Variants in SPTAN1 observed in about 807,000 individuals in gnomAD.
SPTAN1 encodes the protein spectrin alpha chain, non-erythrocytic 1.
In SPTAN1, 61 loss-of-function variants were observed where a neutral mutation model predicts 331.3. That is an observed-to-expected ratio of 0.18 (90% confidence interval 0.15 to 0.23). The LOEUF (loss-of-function observed/expected upper bound fraction) is 0.23. SPTAN1 is among the 10% of genes least tolerant of loss of function. SPTAN1 has a pLI of 1.00. For synonymous variants in SPTAN1, 1,153 were observed against 1,173.9 expected (o/e 0.98, Z 0.36); for missense variants, 2,043 against 3,147.9 (o/e 0.65, Z 8.40).
Position 128,612,189 on chromosome 9 carries a change from C to T in SPTAN1, c.4986C>T (p.Ala1662=), listed in dbSNP as rs1856643719. ...SAEKSQKLKE[A]NKQQNFNTGI... ...AAAAGAGCCAGAAACTGAAAGAAGC[C>T]AACAAGCAGCAGAACTTCAACACAG... The change falls in exon 39 of 57, where the codon GCC becomes GCT. Residue 1662 remains alanine (A), a synonymous_variant. Transcript: ENST00000372739. 6.2e-7 allele frequency: 1 copy of T among 1,613,968 alleles called. No individual in the cohort carries two copies. Among genetic ancestry groups the T allele is most frequent in the South Asian group, 1.1e-5 (1 of 91,080 alleles).
chr9:128,557,694 C>A (rs933976751), intron 1 of SPTAN1, among the ~76,000 whole-genome samples: 1 of 151,146 alleles, frequency 6.6e-6, no homozygotes, highest in Non-Finnish European at 1.5e-5. Flanking sequence ...CATGTCTAAT[C>A]TATTTTGTAG....
rs1057523269 is a variant in SPTAN1 at position 128,632,328 on chromosome 9, C to T, written c.6959+5C>T. ...GGAGCAGCAGATCCAGGCCAGGTAC[C>T]CGGGAGGGCTGTGGGCCAGGCTCAG... On this transcript the variant is annotated splice_donor_5th_base_variant and intron_variant, in intron 53 of 56. Coordinates refer to ENST00000372739, the MANE Select transcript of SPTAN1 (RefSeq NM_001130438.3). The T allele has an allele frequency of 7.4e-6, 12 of 1,613,542 alleles. 1 individual carries two copies. The South Asian group carries it at 9.9e-5, about 13-fold the overall frequency.
rs10125752 is a variant in SPTAN1 at position 128,581,493 on chromosome 9, C to A, written c.1462-289C>A. Among the ~76,000 whole-genome samples the A allele has an allele frequency of 4.5e-3, 629 of 138,630 alleles. 5 individuals carry two copies. The highest frequency in any genetic ancestry group is 0.014 in the African/African-American group (530 of 37,996). 90.9% of individuals were successfully genotyped at this position (138,630 alleles called of 152,430 possible). ...GTCTCACAAAAAAAAAAAAAACAAA[C>A]AAAAAAAACAAACCTTAGCATTATG... On this transcript the variant is annotated intron_variant, in intron 11 of 56. Transcript: ENST00000372739.
chr9:128,557,577 G>GC (rs1848781393), intron 1 of SPTAN1, among the ~76,000 whole-genome samples: 1 of 146,642 alleles, frequency 6.8e-6, no homozygotes, highest in African/African-American at 2.5e-5. Context: ...CAAATTTTAT[G>GC]CCCCCAAATA....
At chr9:128,579,779 C>A in intron 10 of SPTAN1, 41 bp downstream of exon 10, 2 of 1,463,068 alleles carry the variant, frequency 1.4e-6, no homozygotes, top group Non-Finnish European at 1.9e-6. Context: ...GCAAATTACA[C>A]CTTTCACTAA....
chr9:128,627,473 T>C lies in SPTAN1; in HGVS notation c.6664T>C (p.Phe2222Leu). 2.6e-6 allele frequency: 4 copies of C among 1,551,160 alleles called. No individual in the cohort carries two copies. The highest frequency in any genetic ancestry group is 2.6e-6 in the Non-Finnish European group (3 of 1,147,054). Reference sequence around the variant, plus strand: ...GGAGTTTGCCCAGCACGCCAACGCCTTCCACCAGTGGATCCAAGAGACCAG... The same window carrying C: ...GGAGTTTGCCCAGCACGCCAACGCCCTCCACCAGTGGATCCAAGAGACCAG... ...RQEFAQHANA[F>L]HQWIQETRTY... Residue 2222 changes from phenylalanine (F) to leucine (L), a missense_variant, in exon 50 of 57, where the codon TTC (phenylalanine) becomes CTC (leucine). Phe to Leu is a conservative substitution (Grantham distance 22). Transcript: ENST00000372739. The surrounding 1 kb of genome is among the most constrained non-coding windows in gnomAD (Gnocchi z 4.9).
chr9:128,629,247 C>A lies in SPTAN1; in HGVS notation c.6708-1074C>A, dbSNP rs955988758. 1.5e-5 allele frequency: 6 copies of A among 398,220 alleles called. No homozygotes were observed. The highest frequency in any genetic ancestry group is 1.2e-4 in the African/African-American group (6 of 48,560). 24.7% of individuals were successfully genotyped at this position (398,220 alleles called of 1,614,324 possible). On this transcript the variant is annotated intron_variant, in intron 51 of 56. Coordinates refer to ENST00000372739, the MANE Select transcript of SPTAN1 (RefSeq NM_001130438.3). The surrounding 1 kb of genome is among the most constrained non-coding windows in gnomAD (Gnocchi z 4.9). ...GGCTTTACTGATGCACTCTTGACAT[C>A]CCCAGGCGGCTCCACCCTGACTAAC...
Position 128,557,318 on chromosome 9 carries a change from A to G in SPTAN1, c.-4+4622A>G, listed in dbSNP as rs77645530. The stretch of plus-strand genomic sequence containing the variant: ...AATCCCAATGCTTTGTTTTTAATAG[A>G]GACTCCTTTCAGCTTCACTATAATT... On this transcript the variant is annotated intron_variant, in intron 1 of 56. Transcript: ENST00000372739. Among the ~76,000 whole-genome samples, 366 of 152,314 alleles carry G rather than the reference A, an allele frequency of 2.4e-3. 10 individuals carry two copies. In the East Asian group the frequency reaches 0.04, roughly 17 times the overall value.
rs1357932367 is a variant in SPTAN1, at chr9:128,583,058, C to A, written c.1807-19C>A. On this transcript the variant is annotated intron_variant, in intron 14 of 56. Coordinates refer to ENST00000372739, the MANE Select transcript of SPTAN1 (RefSeq NM_001130438.3). ...TTCTCAGGTTCAAGATAGAAAGAAC[C>A]CCCTTCTTTTATTCACAGGATCCAT... 2.5e-6 allele frequency: 4 copies of A among 1,611,456 alleles called. No individual in the cohort carries two copies. In the South Asian group the frequency reaches 4.4e-5, roughly 18 times the overall value.
At chr9:128,609,866 C>T (rs1288129302) in intron 37 of SPTAN1, among the ~76,000 whole-genome samples, 1 of 152,178 alleles carries the variant, frequency 6.6e-6, no homozygotes, top group Non-Finnish European at 1.5e-5. Context: ...GCCTGCAACG[C>T]CTTACTCCCC....
chr9:128,633,151 T>G (rs1396115127), intron 56 of SPTAN1, 58 bp from the exon 57 acceptor site: 25 of 1,612,076 alleles, frequency 1.6e-5, no homozygotes, highest in Non-Finnish European at 1.9e-5. Context: ...ACCTGGGAGG[T>G]CGGGTTTGAA....
chr9:128,564,634 A>C (rs1287243730), intron 1 of SPTAN1, among the ~76,000 whole-genome samples: 3 of 152,158 alleles, frequency 2.0e-5, no homozygotes, highest in Non-Finnish European at 4.4e-5. Context: ...GCTCGGTGTA[A>C]TCATACCTTA....
chr9:128,599,193 G>A, intron 26 of SPTAN1: 1 of 607,016 alleles, frequency 1.6e-6, no homozygotes, highest in South Asian at 1.7e-5. Context: ...GGAGTGCAGT[G>A]GTGTGATCTT....
Position 128,552,840 on chromosome 9 carries a change from G to C in SPTAN1, c.-4+144G>C, listed in dbSNP as rs1848280707. 2 of 152,314 alleles carry C rather than the reference G, an allele frequency of 1.3e-5. No homozygotes were observed. Among genetic ancestry groups the C allele is most frequent in the African/African-American group, 2.4e-5 (1 of 41,558 alleles). 9.4% of individuals were successfully genotyped at this position (152,314 alleles called of 1,614,324 possible). A position where few individuals can be genotyped will look rare whatever the true frequency, so the allele number is the denominator to read the frequency against. ...GCGGGCCGCGGGGCTGCCTCCATTC[G>C]GCTGAGTGGGGGAAGCCGCTGCCGC... On this transcript the variant is annotated intron_variant, in intron 1 of 56. Transcript: ENST00000372739. This position sits in a 1 kb window ranked among gnomAD's most constrained non-coding sequence, Gnocchi z 4.6.
chr9:128,599,952 C>CT, intron 26 of SPTAN1, 128 bp from the exon 27 acceptor site: 2 of 941,000 alleles, frequency 2.1e-6, no homozygotes, highest in Admixed American at 3.7e-5. Flanking sequence ...AGGGAAAATG[C>CT]TGTTTTGGTT....
intron 27 of SPTAN1, among the ~76,000 whole-genome samples, chr9:128,600,974 CTTTTTTTTTTTT>C (rs60290370): frequency 0.056 from 2,289 of 40,890 alleles, 168 homozygotes; most frequent in African/African-American, 0.19. Flanking sequence ...GGGAGAAAGT[CTTTTTTTTTTTT>C]TTTTTTTTTT....
chr9:128,603,229 A>C (rs1589289449), intron 27 of SPTAN1, among the ~76,000 whole-genome samples: 1 of 152,288 alleles, frequency 6.6e-6, no homozygotes. Context: ...ATAGACAAGA[A>C]AATGACACTA....
In SPTAN1 at chr9:128,633,344, T is replaced by C. The variant is rs780033700; in HGVS notation, c.*10T>C. The stretch of plus-strand genomic sequence containing the variant: ...GCTTTTCGTGAACTGAGCCACTCCC[T>C]GGGTCACCCACCCCTCGCTGCTTGC... On this transcript the variant is annotated 3_prime_UTR_variant, in exon 57 of 57. Transcript: ENST00000372739. 2 of 1,613,732 alleles carry C rather than the reference T, an allele frequency of 1.2e-6. No individual in the cohort carries two copies. The highest frequency in any genetic ancestry group is 2.2e-5 in the East Asian group (1 of 44,886).
chr9:128,608,403 A>G (rs1856166413), intron 34 of SPTAN1, 127 bp downstream of exon 34: 6 of 1,199,768 alleles, frequency 5.0e-6, no homozygotes, highest in Non-Finnish European at 5.9e-6. Context: ...ATGTACATAA[A>G]TAATCTTTAA....
Sources: gnomAD v4.1 joint callset for allele counts (sites outside exome capture counted in the v4.1 genomes callset) on GRCh38, gnomAD v4.1.1 for gene constraint, Gnocchi (gnomAD v3.1) non-coding constraint, MANE v1.5 for transcripts, NCBI Gene and HGNC (gene_info 2026-07-23, HGNC 2026-07-21) for gene names.